The following ELMOD1 variants were observed in gnomAD, a reference collection of about 807,000 sequenced individuals.
ELMOD1 encodes ELMO domain-containing protein 1.
ELMOD1 carries 21 observed loss-of-function variants against 46.7 expected under a neutral mutation model. That is an observed-to-expected ratio of 0.45 (90% CI 0.32 to 0.65). ELMOD1 has a LOEUF of 0.65. ELMOD1 is among the 30% of genes least tolerant of loss of function. The probability of loss-of-function intolerance (pLI) is 0.04; values close to 1 mark genes in which losing one functional copy is unlikely to be tolerated. For synonymous variants in ELMOD1, 122 were observed against 138.2 expected, an observed-to-expected ratio of 0.88 and a Z score of 0.82; for missense variants, 348 against 407.8, an observed-to-expected ratio of 0.85 and a Z score of 1.26.
chr11:107,650,505 C>T, intron 8 of ELMOD1, 102 bp downstream of exon 8: 1 of 890,620 alleles, frequency 1.1e-6, no homozygotes, highest in Non-Finnish European at 1.8e-6. Flanking sequence ...GAGAGTGAGG[C>T]TCAAAGCTTT....
chr11:107,631,507 C>A, intron 4 of ELMOD1, 73 bp from the exon 5 acceptor site: 1 of 752,216 alleles, frequency 1.3e-6, no homozygotes, highest in Non-Finnish European at 2.0e-6. Context: ...ATGTTTGAAG[C>A]CTCTATCCCA....
chr11:107,608,675 T>C (rs1404583040), intron 1 of ELMOD1, among the ~76,000 whole-genome samples: 1 of 152,228 alleles, frequency 6.6e-6, no homozygotes, highest in African/African-American at 2.4e-5. Flanking sequence ...CGCTCCATTG[T>C]ATAATTTCTT....
chr11:107,645,602 G>C (rs1334578640), intron 6 of ELMOD1, among the ~76,000 whole-genome samples: 2 of 152,214 alleles, frequency 1.3e-5, no homozygotes, highest in African/African-American at 2.4e-5. Flanking sequence ...TGGGATTACA[G>C]GCATGAGCCA....
In ELMOD1 at chr11:107,665,450, G is replaced by C; in HGVS notation, c.*253G>C. 1 of 363,610 alleles carries C rather than the reference G, an allele frequency of 2.8e-6. No individual in the cohort carries two copies. The highest frequency in any genetic ancestry group is 4.9e-6 in the Non-Finnish European group (1 of 203,772). 22.5% of individuals were successfully genotyped at this position (363,610 alleles called of 1,614,324 possible). A position where few individuals can be genotyped will look rare whatever the true frequency, so the allele number is the denominator to read the frequency against. ...TCTTGCCTTGATACCCAGGTATGGA[G>C]AGAGTTTTCTATTTTTTTAGACTTT... On this transcript the variant is annotated 3_prime_UTR_variant, in exon 12 of 12. Coordinates refer to ENST00000265840, the MANE Select transcript of ELMOD1 (RefSeq NM_018712.4).
At chr11:107,599,965 A>G (rs1437438810) in intron 1 of ELMOD1, among the ~76,000 whole-genome samples, 1 of 152,146 alleles carries the variant, frequency 6.6e-6, no homozygotes, top group Non-Finnish European at 1.5e-5. Context: ...AAACCAATTC[A>G]GGTGCTAATT....
intron 5 of ELMOD1, among the ~76,000 whole-genome samples, chr11:107,634,867 C>T (rs187816311): frequency 6.6e-6 from 1 of 152,308 alleles, no homozygotes; most frequent in East Asian, 1.9e-4. Context: ...AGTCATGGCA[C>T]TGGAAAGGTG....
At chr11:107,645,555 C>G (rs925085615) in intron 6 of ELMOD1, among the ~76,000 whole-genome samples, 3 of 151,272 alleles carry the variant, frequency 2.0e-5, no homozygotes, top group African/African-American at 7.3e-5. Context: ...GAACTCCTGA[C>G]CTGAAGTTAC....
At chr11:107,641,992 T>G (rs1018352020) in intron 6 of ELMOD1, among the ~76,000 whole-genome samples, 3 of 145,902 alleles carry the variant, frequency 2.1e-5, no homozygotes, top group African/African-American at 7.7e-5. Flanking sequence ...TCACCCAGGC[T>G]GGAGTGCAGT....
Position 107,631,594 on chromosome 11 carries a change from T to G in ELMOD1, c.207T>G (p.Ser69=). Reference sequence around the variant, plus strand: ...ATGTTTTCCAGCTGTTGCAGACTTCTGTGAGTGTTCACCCCGACGCTATTG... The same window carrying G: ...ATGTTTTCCAGCTGTTGCAGACTTCGGTGAGTGTTCACCCCGACGCTATTG... The part of the protein sequence containing the change: ...RDSKSKLLQT[S]VSVHPDAIEK... The change falls in exon 5 of 12, where the codon TCT becomes TCG. Residue 69 remains serine, a synonymous_variant. Transcript: ENST00000265840. 6.4e-7 allele frequency: 1 copy of G among 1,560,342 alleles called. No individual in the cohort carries two copies. Among genetic ancestry groups the G allele is most frequent in the South Asian group, 1.2e-5 (1 of 83,382 alleles).
At position 107,650,908 on chromosome 11, in the gene ELMOD1, G is replaced by T; in HGVS notation, c.647G>T (p.Ser216Ile). 1 of 1,118,280 alleles carries T rather than the reference G, an allele frequency of 8.9e-7. No individual in the cohort carries two copies. The highest frequency in any genetic ancestry group is 1.8e-5 in the South Asian group (1 of 57,122). The allele number at this position is 1,118,280 out of a possible 1,614,324, so 69.3% of individuals were successfully genotyped here. ...KCRDITKEEI[S>I]KFSKAEWEKK... ...AGGGATATCACTAAAGAAGAAATAAGGTATTTTTTCTTTGTTTTTGTGTTT... is the reference window on the plus strand; with the variant it reads ...AGGGATATCACTAAAGAAGAAATAATGTATTTTTTCTTTGTTTTTGTGTTT... The change falls in exon 9 of 12, where the codon AGC (serine) becomes ATC (isoleucine). Residue 216 changes from serine to isoleucine, a missense_variant and splice_region_variant. Transcript: ENST00000265840.
chr11:107,654,491 C>T (rs1463950965), intron 10 of ELMOD1, among the ~76,000 whole-genome samples: 4 of 152,058 alleles, frequency 2.6e-5, no homozygotes, highest in African/African-American at 4.8e-5. Context: ...TGTTTGGGGC[C>T]GGGCGCGGTG....
intron 2 of ELMOD1, among the ~76,000 whole-genome samples, chr11:107,630,170 C>T (rs1230047042): frequency 2.0e-5 from 3 of 152,176 alleles, no homozygotes; most frequent in African/African-American, 7.2e-5. Context: ...AGAAAAGATT[C>T]TAATGCTTCA....
In ELMOD1 at chr11:107,630,733, G is replaced by A; in HGVS notation, c.192+5G>A. 6.3e-7 allele frequency: 1 copy of A among 1,599,680 alleles called. No homozygotes were observed. The highest frequency in any genetic ancestry group is 8.5e-7 in the Non-Finnish European group (1 of 1,173,434). On this transcript the variant is annotated splice_donor_5th_base_variant and intron_variant, in intron 4 of 11. Transcript: ENST00000265840. ...CTGAGGGATTCTAAAAGTAAGGTAA[G>A]TAAAATTATTTTTCAGCAGCTTTTT...
chr11:107,646,138 G>A (rs1171848724), intron 6 of ELMOD1, among the ~76,000 whole-genome samples: 1 of 152,140 alleles, frequency 6.6e-6, no homozygotes, highest in Non-Finnish European at 1.5e-5. Flanking sequence ...AAAACTAAGA[G>A]TCTGAGCATT....
At chr11:107,647,126 T>C (rs769973707) in intron 6 of ELMOD1, among the ~76,000 whole-genome samples, 14 of 152,198 alleles carry the variant, frequency 9.2e-5, no homozygotes, top group Non-Finnish European at 1.5e-4. Flanking sequence ...TTCAGCTGTG[T>C]ACTCATGAGA....
At position 107,618,115 on chromosome 11, in the gene ELMOD1, C is replaced by T; in HGVS notation, c.-75C>T. On this transcript the variant is annotated 5_prime_UTR_variant, in exon 2 of 12. Transcript: ENST00000265840. ...AATTTCTTCCCACAGTTGACACTTA[C>T]TTTGACAAAGGCAAATTTGGAAGCA... is the stretch of plus-strand genomic sequence containing the variant. 1.3e-6 allele frequency: 2 copies of T among 1,507,768 alleles called. No individual in the cohort carries two copies. Among genetic ancestry groups the T allele is most frequent in the Non-Finnish European group, 1.8e-6 (2 of 1,106,992 alleles). 93.4% of individuals were successfully genotyped at this position (1,507,768 alleles called of 1,614,324 possible). A position where few individuals can be genotyped will look rare whatever the true frequency, so the allele number is the denominator to read the frequency against.
chr11:107,598,337 G>A (rs1383957550), intron 1 of ELMOD1, among the ~76,000 whole-genome samples: 6 of 152,168 alleles, frequency 3.9e-5, no homozygotes, highest in Non-Finnish European at 4.4e-5. Context: ...AAAAGCGGGT[G>A]AATTCTTCTT....
chr11:107,648,064 CATT>C (rs1866462681), intron 7 of ELMOD1, among the ~76,000 whole-genome samples: 1 of 152,142 alleles, frequency 6.6e-6, no homozygotes, highest in Admixed American at 6.5e-5. Context: ...ACCACAATGC[CATT>C]ATCACAGCAA....
chr11:107,654,838 T>C (rs1426884988), intron 10 of ELMOD1, among the ~76,000 whole-genome samples: 1 of 152,108 alleles, frequency 6.6e-6, no homozygotes, highest in Non-Finnish European at 1.5e-5. Context: ...TATTGGGCTA[T>C]TTGATAAAAA....
Sources: allele counts gnomAD v4.1 joint callset (sites outside exome capture counted in the v4.1 genomes callset), GRCh38; gene constraint gnomAD v4.1.1; transcripts MANE v1.5; gene names NCBI Gene and HGNC (gene_info 2026-07-23, HGNC 2026-07-21).